Variants in SMC4 observed in about 807,000 individuals in gnomAD.
The protein encoded by SMC4 is structural maintenance of chromosomes protein 4.
A neutral mutation model predicts 145.6 loss-of-function variants in SMC4; 87 were observed. The observed-to-expected ratio is 0.60, with a 90% CI of 0.50 to 0.71. SMC4 has a LOEUF of 0.71. Ranked by LOEUF, SMC4 falls within the 30% of genes least tolerant of loss-of-function variation. The pLI is 0.00. For missense variants in SMC4, 1,447 were observed against 1,537.1 expected (o/e 0.94, Z 0.98); for synonymous variants, 558 against 500.7 (o/e 1.11, Z -1.53).
In SMC4 at chr3:160,417,529, G is replaced by GA. The variant is rs533223940; in HGVS notation, c.1438-190dup. 303 of 564,924 alleles carry GA rather than the reference G, an allele frequency of 5.4e-4. 1 individual carries two copies. The East Asian group carries it at 7.8e-3, about 15-fold the overall frequency. The allele number at this position is 564,924 out of a possible 1,614,324, so 35.0% of individuals were successfully genotyped here. On this transcript the variant is annotated intron_variant, in intron 10 of 23. Transcript: ENST00000357388. ...ACAAAGCTCTTGTGAAATCAGTTGG[G>GA]AAAAGACTATGTACAGTGAATATTG...
chr3:160,429,613 CTG>C (rs1439581330), intron 18 of SMC4, among the ~76,000 whole-genome samples: 1 of 151,468 alleles, frequency 6.6e-6, no homozygotes, highest in Non-Finnish European at 1.5e-5. Flanking sequence ...TCCCAAAAGA[CTG>C]AGATTACAGG....
chr3:160,433,708 T>C lies in SMC4; in HGVS notation c.3766T>C (p.Phe1256Leu), dbSNP rs750810424. ...FIIISLRNNMFEISDRLIGIY... is the reference protein window; with the variant it reads ...FIIISLRNNMLEISDRLIGIY... The stretch of plus-strand genomic sequence containing the variant: ...AATAATTTCTCTTCGAAATAATATG[T>C]TTGAGATTTCGGATAGACTTATTGG... The change falls in exon 24 of 24, where the codon TTT (phenylalanine) becomes CTT (leucine). Residue 1256 changes from phenylalanine to leucine, a missense_variant. Coordinates refer to ENST00000357388, the MANE Select transcript of SMC4 (RefSeq NM_001002800.3). The C allele has an allele frequency of 6.3e-7, 1 of 1,586,894 alleles. No individual in the cohort carries two copies. The highest frequency in any genetic ancestry group is 8.6e-7 in the Non-Finnish European group (1 of 1,164,130).
At chr3:160,431,974 G>T in intron 21 of SMC4, 149 bp downstream of exon 21, 1 of 789,738 alleles carries the variant, frequency 1.3e-6, no homozygotes, top group Non-Finnish European at 2.0e-6. Context: ...GGCCAAAGGC[G>T]GGTGGATCAC....
chr3:160,424,567 G>C (rs1717559579), intron 15 of SMC4, among the ~76,000 whole-genome samples: 1 of 152,120 alleles, frequency 6.6e-6, no homozygotes, highest in African/African-American at 2.4e-5. Flanking sequence ...CCAGCACTTT[G>C]GGAGTCTGAG....
intron 7 of SMC4, among the ~76,000 whole-genome samples, 167 bp from the exon 8 acceptor site, chr3:160,413,306 A>G (rs927420569): frequency 1.3e-5 from 2 of 152,022 alleles, no homozygotes; most frequent in African/African-American, 2.4e-5. Context: ...TTTTGTTCCT[A>G]AATTCTAGCC....
Position 160,420,769 on chromosome 3 carries a change from C to A in SMC4, c.1887C>A (p.Tyr629Ter). Residue 629 changes from tyrosine to a stop codon, truncating the protein, a stop_gained, in exon 13 of 24, where the codon TAC (tyrosine) becomes TAA (stop). Transcript: ENST00000357388. LOFTEE classifies it high-confidence loss of function. ...LGDLGAIDEK[Y>*]DVAISSCCHA... is the part of the protein sequence containing the mutation. ...ACTTAGGAGCCATTGATGAAAAATACGACGTGGCTATATCATCCTGTTGTC... is the reference window on the plus strand; with the variant it reads ...ACTTAGGAGCCATTGATGAAAAATAAGACGTGGCTATATCATCCTGTTGTC... 6.2e-7 allele frequency: 1 copy of A among 1,613,310 alleles called. No homozygotes were observed. Among genetic ancestry groups the A allele is most frequent in the Non-Finnish European group, 8.5e-7 (1 of 1,179,722 alleles).
At chr3:160,427,014 G>A (rs1321388457) in intron 17 of SMC4, among the ~76,000 whole-genome samples, 1 of 152,178 alleles carries the variant, frequency 6.6e-6, no homozygotes, top group Non-Finnish European at 1.5e-5. Flanking sequence ...TTATCCAACT[G>A]CTCCAAAAAT....
chr3:160,407,549 A>C (rs1041376775), intron 5 of SMC4, among the ~76,000 whole-genome samples: 3 of 151,826 alleles, frequency 2.0e-5, no homozygotes, highest in African/African-American at 7.3e-5. Context: ...CTTGTCTCTA[A>C]ATAAATAAAT....
At chr3:160,402,591 A>G in intron 3 of SMC4, 85 bp from the exon 4 acceptor site, 1 of 1,407,632 alleles carries the variant, frequency 7.1e-7, no homozygotes, top group Non-Finnish European at 9.6e-7. Context: ...GCAAGTAAAA[A>G]AATCTAACAG....
intron 12 of SMC4, 49 bp downstream of exon 12, chr3:160,419,592 AGT>A (rs762431887): frequency 3.9e-6 from 6 of 1,524,854 alleles, no homozygotes; most frequent in African/African-American, 1.4e-5. Flanking sequence ...TTTTTAAGAA[AGT>A]GTAACTTATT....
At chr3:160,419,594 TGTAACTTA>T in intron 12 of SMC4, 51 bp downstream of exon 12, 1 of 1,519,082 alleles carries the variant, frequency 6.6e-7, no homozygotes, top group Non-Finnish European at 8.9e-7. Flanking sequence ...TTTAAGAAAG[TGTAACTTA>T]TTTTTTTGCC....
intron 8 of SMC4, chr3:160,413,967 C>A: frequency 3.1e-6 from 1 of 317,592 alleles, no homozygotes; most frequent in South Asian, 2.7e-5. Context: ...CATGTCCCTA[C>A]TTGATGCCAT....
chr3:160,413,184 A>G (rs1576956455), intron 7 of SMC4, among the ~76,000 whole-genome samples: 5 of 151,748 alleles, frequency 3.3e-5, no homozygotes, highest in East Asian at 1.9e-4. Flanking sequence ...GGGTTTCGCC[A>G]TGTTGCCCAA....
intron 5 of SMC4, among the ~76,000 whole-genome samples, chr3:160,406,217 T>C (rs1018165353): frequency 1.3e-5 from 2 of 152,104 alleles, no homozygotes; most frequent in Non-Finnish European, 2.9e-5. Flanking sequence ...TTAAAAAACA[T>C]TTCTTCCCAA....
In SMC4 at chr3:160,433,774, A is replaced by C. The variant is rs772069523; in HGVS notation, c.3832A>C (p.Asn1278His). The part of the protein sequence containing the change: ...TYNITKSVAV[N>H]PKEIASKGLC ...CAACATAACAAAAAGTGTTGCTGTA[A>C]ATCCAAAAGAAATTGCATCTAAGGG... is the stretch of plus-strand genomic sequence containing the variant. The change falls in exon 24 of 24, where the codon AAT (asparagine) becomes CAT (histidine). Residue 1278 changes from asparagine to histidine, a missense_variant. Coordinates refer to ENST00000357388, the MANE Select transcript of SMC4 (RefSeq NM_001002800.3). 6.2e-7 allele frequency: 1 copy of C among 1,603,058 alleles called. No homozygotes were observed. The highest frequency in any genetic ancestry group is 2.2e-5 in the East Asian group (1 of 44,556).
intron 16 of SMC4, among the ~76,000 whole-genome samples, chr3:160,425,442 T>C (rs1717691704): frequency 6.6e-6 from 1 of 152,214 alleles, no homozygotes; most frequent in Non-Finnish European, 1.5e-5. Flanking sequence ...AGTTTGCATG[T>C]AATGTATTTA....
In SMC4 at chr3:160,430,606, C is replaced by G; in HGVS notation, c.2803C>G (p.Gln935Glu). The change falls in exon 19 of 24, where the codon CAA (glutamine) becomes GAA (glutamate). Residue 935 changes from glutamine (Q) to glutamate (E), a missense_variant. Physicochemically the swap from Gln to Glu is conservative, Grantham distance 29. Transcript: ENST00000357388. ...ATCATTTTGCTTCTTTAGAAACCTTCAAAAGGCACAAGACTCTGTCTTGCG... is the reference window on the plus strand; with the variant it reads ...ATCATTTTGCTTCTTTAGAAACCTTGAAAAGGCACAAGACTCTGTCTTGCG... ...VAIKTADRNL[Q>E]KAQDSVLRTE... 3 of 1,580,636 alleles carry G rather than the reference C, an allele frequency of 1.9e-6. No homozygotes were observed. The highest frequency in any genetic ancestry group is 2.6e-6 in the Non-Finnish European group (3 of 1,166,776).
chr3:160,428,755 TATG>T lies in SMC4; in HGVS notation c.2612_2614del (p.Asp871del), dbSNP rs1408239591. On this transcript the variant is annotated inframe_deletion, in exon 18 of 24. Coordinates refer to ENST00000357388, the MANE Select transcript of SMC4 (RefSeq NM_001002800.3). ...GGTTCTTTATTTTTTAATTTCAGAATATGATGCTGTGGCTGAGAAAGCTGGTAA... is the reference window on the plus strand; with the variant it reads ...GGTTCTTTATTTTTTAATTTCAGAATATGCTGTGGCTGAGAAAGCTGGTAA... 4 of 1,576,040 alleles carry T rather than the reference TATG, an allele frequency of 2.5e-6. No homozygotes were observed. The highest frequency in any genetic ancestry group is 2.6e-6 in the Non-Finnish European group (3 of 1,170,436).
At chr3:160,418,632 C>A (rs777248863) in intron 11 of SMC4, among the ~76,000 whole-genome samples, 1 of 152,162 alleles carries the variant, frequency 6.6e-6, no homozygotes, top group Non-Finnish European at 1.5e-5. Flanking sequence ...TAAGTTAGAT[C>A]CAGTGACTGC....
Sources: gnomAD v4.1 joint callset for allele counts (sites outside exome capture counted in the v4.1 genomes callset) on GRCh38, gnomAD v4.1.1 for gene constraint, MANE v1.5 for transcripts, NCBI Gene and HGNC (gene_info 2026-07-23, HGNC 2026-07-21) for gene names.